ANO2: variants seen among roughly 807,000 people sequenced by gnomAD.
The protein encoded by ANO2 is anoctamin 2.
In ANO2, 101 loss-of-function variants were observed where a neutral mutation model predicts 124.2. The observed-to-expected ratio is 0.81, with a 90% CI of 0.69 to 0.96. The LOEUF is 0.96. Ranked by LOEUF, ANO2 falls within the 40% of genes least tolerant of loss-of-function variation. The probability of loss-of-function intolerance (pLI) is 0.00; values close to 1 mark genes in which losing one functional copy is unlikely to be tolerated. For missense variants in ANO2, 1,293 were observed against 1,274.5 expected (o/e 1.01, Z -0.22); for synonymous variants, 486 against 482.5 (o/e 1.01, Z -0.09).
chr12:5,578,636 AT>A, intron 20 of ANO2, 118 bp from the exon 21 acceptor site: 1 of 1,047,946 alleles, frequency 9.5e-7, no homozygotes, highest in Non-Finnish European at 1.4e-6. Context: ...ATATGGGGTA[AT>A]TTTTAGTCTC....
intron 1 of ANO2, among the ~76,000 whole-genome samples, chr12:5,939,620 G>A (rs1457713431): frequency 2.0e-5 from 3 of 152,218 alleles, no homozygotes; most frequent in African/African-American, 7.2e-5. Context: ...GCTCTTATAA[G>A]TAATTTATTA....
intron 10 of ANO2, among the ~76,000 whole-genome samples, chr12:5,777,504 T>C (rs1040479877): frequency 6.6e-6 from 1 of 152,110 alleles, no homozygotes; most frequent in African/African-American, 2.4e-5. Flanking sequence ...AAAAGGCCAA[T>C]GTGGGGCTTG....
chr12:5,625,391 A>G, intron 16 of ANO2, among the ~76,000 whole-genome samples: 1 of 152,050 alleles, frequency 6.6e-6, no homozygotes, highest in East Asian at 1.9e-4. Context: ...AGAGAGCTCC[A>G]GGGAGTGAGA....
intron 19 of ANO2, among the ~76,000 whole-genome samples, chr12:5,612,197 C>T (rs1944576250): frequency 6.6e-6 from 1 of 152,172 alleles, no homozygotes; most frequent in Non-Finnish European, 1.5e-5. Flanking sequence ...GGGGAATCCA[C>T]ATGATAATAA....
At chr12:5,756,713 C>G (rs761982052) in intron 10 of ANO2, among the ~76,000 whole-genome samples, 1 of 152,090 alleles carries the variant, frequency 6.6e-6, no homozygotes, top group Middle Eastern at 3.4e-3. Flanking sequence ...CCAAGGTCCA[C>G]TAGAGGACTG....
chr12:5,856,882 C>A (rs1955115796), intron 3 of ANO2, among the ~76,000 whole-genome samples: 1 of 152,214 alleles, frequency 6.6e-6, no homozygotes, highest in Non-Finnish European at 1.5e-5. Context: ...TTGTTAACTT[C>A]CTCCAGCAAA....
chr12:5,820,545 C>T (rs571847678), intron 7 of ANO2, among the ~76,000 whole-genome samples: 81 of 152,352 alleles, frequency 5.3e-4, no homozygotes, highest in African/African-American at 1.8e-3. Context: ...AGAACCCCCA[C>T]ATCGGCTCCC....
intron 7 of ANO2, among the ~76,000 whole-genome samples, chr12:5,817,811 GC>G (rs1953658576): frequency 6.6e-6 from 1 of 152,104 alleles, no homozygotes; most frequent in African/African-American, 2.4e-5. Context: ...AGAAACAGGA[GC>G]AAAAATAGAT....
chr12:5,830,123 T>C (rs1194981522), intron 6 of ANO2, among the ~76,000 whole-genome samples: 3 of 152,186 alleles, frequency 2.0e-5, no homozygotes, highest in Admixed American at 6.5e-5. Context: ...GTTTCCTCAA[T>C]TGTAAATCAA....
intron 14 of ANO2, among the ~76,000 whole-genome samples, chr12:5,663,976 C>T (rs912794763): frequency 6.6e-6 from 1 of 152,182 alleles, no homozygotes; most frequent in African/African-American, 2.4e-5. Flanking sequence ...GGCTATGAAA[C>T]AGTTACAGTG....
chr12:5,830,162 A>G (rs557910274), intron 6 of ANO2, among the ~76,000 whole-genome samples: 1 of 152,276 alleles, frequency 6.6e-6, no homozygotes, highest in South Asian at 2.1e-4. Context: ...ACCCGCACCA[A>G]CTATGACCTT....
At chr12:5,565,402 C>T (rs1018203094) in intron 24 of ANO2, among the ~76,000 whole-genome samples, 156 bp downstream of exon 24, 1 of 152,170 alleles carries the variant, frequency 6.6e-6, no homozygotes, top group Admixed American at 6.5e-5. Flanking sequence ...CCTGCTTCAA[C>T]CCGGAAAGGA....
intron 7 of ANO2, among the ~76,000 whole-genome samples, chr12:5,818,167 T>C (rs1046666700): frequency 2.7e-4 from 2 of 7,340 alleles, no homozygotes; most frequent in East Asian, 0.024. Flanking sequence ...TGTGAGGGTG[T>C]TGCCAAAGAT....
At chr12:5,678,896 G>A (rs1333936201) in intron 14 of ANO2, among the ~76,000 whole-genome samples, 1 of 152,134 alleles carries the variant, frequency 6.6e-6, no homozygotes, top group Non-Finnish European at 1.5e-5. Flanking sequence ...ACTTAACAAG[G>A]GACATTTGAA....
At chr12:5,768,594 T>A (rs1300542308) in intron 10 of ANO2, among the ~76,000 whole-genome samples, 1 of 152,184 alleles carries the variant, frequency 6.6e-6, no homozygotes, top group African/African-American at 2.4e-5. Context: ...CACGGAGGAC[T>A]CACAGCCACA....
chr12:5,923,210 C>CACGCGCACA (rs1941891743), intron 1 of ANO2, among the ~76,000 whole-genome samples: 1 of 136,950 alleles, frequency 7.3e-6, no homozygotes. Flanking sequence ...GCACACACAC[C>CACGCGCACA]CACATACACA....
At chr12:5,784,347 T>A (rs1591613011) in intron 10 of ANO2, among the ~76,000 whole-genome samples, 1 of 152,320 alleles carries the variant, frequency 6.6e-6, no homozygotes, top group South Asian at 2.1e-4. Flanking sequence ...GACTTATCAA[T>A]CACCTTTTCC....
chr12:5,926,308 G>A (rs1942075739), intron 1 of ANO2, among the ~76,000 whole-genome samples: 1 of 152,188 alleles, frequency 6.6e-6, no homozygotes, highest in Admixed American at 6.5e-5. Context: ...GGACGGCGAT[G>A]CCCTCCTAAC....
At chr12:5,647,885 C>T (rs781436968) in intron 14 of ANO2, 84 bp from the exon 15 acceptor site, 390 of 1,004,226 alleles carry the variant, frequency 3.9e-4, no homozygotes, top group Middle Eastern at 6.2e-4. Context: ...TATTTGCATG[C>T]GATTGATCAT....
Sources: gnomAD v4.1 joint callset for allele counts (sites outside exome capture counted in the v4.1 genomes callset) on GRCh38, gnomAD v4.1.1 for gene constraint, MANE v1.5 for transcripts, NCBI Gene and HGNC (gene_info 2026-07-23, HGNC 2026-07-21) for gene names.